The following GRID2 variants were observed in gnomAD, a reference collection of about 807,000 sequenced individuals.
GRID2 encodes glutamate receptor ionotropic, delta-2.
A neutral mutation model predicts 114.8 loss-of-function variants in GRID2; 33 were observed. That is an observed-to-expected ratio of 0.29 (90% confidence interval 0.22 to 0.38). GRID2 has a LOEUF of 0.38. Among genes scored for constraint, GRID2 ranks in the 10% least tolerant of loss-of-function variants. GRID2 has a pLI of 1.00. For synonymous variants in GRID2, 505 were observed against 449.9 expected, an observed-to-expected ratio of 1.12 and a Z score of -1.55; for missense variants, 1,184 against 1,257.7, an observed-to-expected ratio of 0.94 and a Z score of 0.89.
intron 14 of GRID2, among the ~76,000 whole-genome samples, chr4:93,694,756 G>A (rs1220561442): frequency 6.6e-6 from 1 of 152,088 alleles, no homozygotes; most frequent in Non-Finnish European, 1.5e-5. Context: ...TATCATATTT[G>A]ATGAACTTGC....
chr4:92,760,380 G>C (rs1391160703), intron 2 of GRID2, among the ~76,000 whole-genome samples: 2 of 152,008 alleles, frequency 1.3e-5, no homozygotes, highest in Non-Finnish European at 2.9e-5. Context: ...TAAGCAGAAG[G>C]CTCTCGATCC....
intron 1 of GRID2, among the ~76,000 whole-genome samples, chr4:92,313,680 C>G (rs1449902038): frequency 6.6e-6 from 1 of 151,740 alleles, no homozygotes; most frequent in Non-Finnish European, 1.5e-5. Context: ...ATTCTGGAAG[C>G]CATGTGAGAA....
chr4:92,923,715 A>G (rs984960165), intron 2 of GRID2, among the ~76,000 whole-genome samples: 30 of 152,204 alleles, frequency 2.0e-4, no homozygotes, highest in Non-Finnish European at 3.8e-4. Context: ...TATTACAGAT[A>G]GCTCCATGAA....
chr4:93,782,623 G>T (rs916048257), intron 1 of GRID2, among the ~76,000 whole-genome samples: 2 of 152,126 alleles, frequency 1.3e-5, no homozygotes, highest in Admixed American at 1.3e-4. Context: ...AGATGACTTA[G>T]ATTTTTGTCC....
intron 2 of GRID2, among the ~76,000 whole-genome samples, chr4:92,727,958 C>T (rs1460841013): frequency 2.6e-5 from 4 of 151,928 alleles, no homozygotes; most frequent in African/African-American, 4.8e-5. Flanking sequence ...TTTAATTAAG[C>T]TTATGAGCAA....
Position 92,440,109 on chromosome 4 carries a change from C to T in GRID2, c.88+135365C>T, listed in dbSNP as rs531313779. ...GAGGACAGGCCTGAATTCTGAGAAA[C>T]GAAAGTGGTAAAAGTATTGTCCAGT... On this transcript the variant is annotated intron_variant, in intron 1 of 15. Transcript: ENST00000282020. 1.4e-3 allele frequency among the ~76,000 whole-genome samples: 204 copies of T among 146,090 alleles called. 8 individuals are homozygous for T. Among genetic ancestry groups the T allele is most frequent in the African/African-American group, 4.8e-3 (196 of 41,072 alleles).
intron 14 of GRID2, among the ~76,000 whole-genome samples, chr4:93,711,941 G>C (rs1167637192): frequency 3.9e-5 from 6 of 152,172 alleles, no homozygotes; most frequent in African/African-American, 1.2e-4. Flanking sequence ...CTATGGTGGG[G>C]ACAGTTGCTG....
At chr4:93,381,285 T>G (rs9998583) in intron 8 of GRID2, among the ~76,000 whole-genome samples, 33,292 of 151,950 alleles carry the variant, frequency 0.22, 5,450 homozygotes, top group African/African-American at 0.46. Flanking sequence ...TTCTATGATT[T>G]TGACCATTTC....
chr4:93,030,858 A>G (rs1469899737), intron 2 of GRID2, among the ~76,000 whole-genome samples: 1 of 145,284 alleles, frequency 6.9e-6, no homozygotes, highest in Non-Finnish European at 1.6e-5. Context: ...TGAGAAAAAA[A>G]GAGAGGAAAG....
chr4:92,816,737 A>C (rs547000690), intron 2 of GRID2, among the ~76,000 whole-genome samples: 1 of 152,272 alleles, frequency 6.6e-6, no homozygotes, highest in East Asian at 1.9e-4. Flanking sequence ...CTTCTGGAAA[A>C]TGGGGATTCT....
intron 1 of GRID2, among the ~76,000 whole-genome samples, chr4:92,425,426 A>C (rs1732109799): frequency 6.6e-6 from 1 of 152,242 alleles, no homozygotes; most frequent in East Asian, 1.9e-4. Context: ...CTAGCGACTG[A>C]TCACCACAAA....
At chr4:92,660,609 G>A (rs1201210393) in intron 2 of GRID2, among the ~76,000 whole-genome samples, 1 of 151,200 alleles carries the variant, frequency 6.6e-6, no homozygotes, top group East Asian at 1.9e-4. Flanking sequence ...ACAATCAAGA[G>A]TTTACCAGCT....
At chr4:92,999,090 T>A (rs1755384016) in intron 2 of GRID2, among the ~76,000 whole-genome samples, 1 of 151,818 alleles carries the variant, frequency 6.6e-6, no homozygotes, top group East Asian at 1.9e-4. Flanking sequence ...AATGTACTAT[T>A]TTTTTCCATA....
At position 93,769,540 on chromosome 4, in the gene GRID2, G is replaced by A. The variant is rs1358464506; in HGVS notation, c.2601+90G>A. 3.2e-6 allele frequency: 4 copies of A among 1,244,614 alleles called. No homozygotes were observed. In the Admixed American group the frequency reaches 8.8e-5, roughly 27 times the overall value. The allele number at this position is 1,244,614 out of a possible 1,614,324, so 77.1% of individuals were successfully genotyped here. ...CATCCCAGGGAGGATAATGGGTTGGGGGTGGTCCTTGTTTTTTCGTTTCTT... is the reference window on the plus strand; with the variant it reads ...CATCCCAGGGAGGATAATGGGTTGGAGGTGGTCCTTGTTTTTTCGTTTCTT... On this transcript the variant is annotated intron_variant, in intron 15 of 15. Transcript: ENST00000282020.
intron 14 of GRID2, among the ~76,000 whole-genome samples, chr4:93,671,929 C>T (rs1724456794): frequency 6.6e-6 from 1 of 152,020 alleles, no homozygotes; most frequent in African/African-American, 2.4e-5. Context: ...GAGCCAACAT[C>T]CCGCCACTGC....
intron 1 of GRID2, among the ~76,000 whole-genome samples, chr4:92,324,383 C>G (rs1013418943): frequency 6.6e-6 from 1 of 151,958 alleles, no homozygotes; most frequent in African/African-American, 2.4e-5. Context: ...AATTCAGTGT[C>G]TATCAGAAAC....
intron 8 of GRID2, among the ~76,000 whole-genome samples, chr4:93,264,360 G>T (rs1006687112): frequency 6.6e-6 from 1 of 151,924 alleles, no homozygotes; most frequent in Admixed American, 6.6e-5. Context: ...AGTTTTTCCA[G>T]GTAAGGTCAC....
intron 14 of GRID2, among the ~76,000 whole-genome samples, chr4:93,726,226 A>G (rs930133925): frequency 2.0e-5 from 3 of 152,220 alleles, no homozygotes; most frequent in African/African-American, 7.2e-5. Context: ...TCCCAGCACC[A>G]TTTATTAAAT....
At chr4:92,831,670 G>A (rs550516342) in intron 2 of GRID2, among the ~76,000 whole-genome samples, 14 of 151,902 alleles carry the variant, frequency 9.2e-5, no homozygotes, top group East Asian at 7.8e-4. Flanking sequence ...CCTGGACAAC[G>A]TAAGGAGATG....
Sources: gnomAD v4.1 joint callset for allele counts (sites outside exome capture counted in the v4.1 genomes callset) on GRCh38, gnomAD v4.1.1 for gene constraint, MANE v1.5 for transcripts, NCBI Gene and HGNC (gene_info 2026-07-23, HGNC 2026-07-21) for gene names.